DAB2IP: variants seen among roughly 807,000 people sequenced by gnomAD.
The protein encoded by DAB2IP is disabled homolog 2-interacting protein.
Under a neutral mutation model 107.2 loss-of-function variants are expected in DAB2IP, and 28 were observed. The observed-to-expected ratio is 0.26, with a 90% confidence interval of 0.19 to 0.36. The LOEUF is 0.36. Ranked by LOEUF, DAB2IP falls within the 10% of genes least tolerant of loss-of-function variation. DAB2IP has a pLI of 1.00. For missense variants in DAB2IP, 1,400 were observed against 1,644.7 expected, an observed-to-expected ratio of 0.85 and a Z score of 2.57; for synonymous variants, 755 against 706.4, an observed-to-expected ratio of 1.07 and a Z score of -1.09.
intron 1 of DAB2IP, among the ~76,000 whole-genome samples, chr9:121,637,492 AG>A (rs1182274111): frequency 6.6e-6 from 1 of 152,206 alleles, no homozygotes; most frequent in Non-Finnish European, 1.5e-5. Context: ...GGGAAGAAGC[AG>A]GGTCTCCCCT....
chr9:121,679,781 G>A (rs1489536353), intron 2 of DAB2IP, among the ~76,000 whole-genome samples: 3 of 152,142 alleles, frequency 2.0e-5, no homozygotes, highest in African/African-American at 7.2e-5. Context: ...ACAGTGGGTT[G>A]GGAGGGGGTC....
chr9:121,709,622 C>G (rs971115998), intron 3 of DAB2IP, among the ~76,000 whole-genome samples: 6 of 152,100 alleles, frequency 3.9e-5, no homozygotes, highest in African/African-American at 1.4e-4. Context: ...GGCCCCCTGT[C>G]AAGCACCGTT....
chr9:121,653,224 A>AAGACCTGGG (rs1564135886), intron 1 of DAB2IP, among the ~76,000 whole-genome samples: 6 of 121,866 alleles, frequency 4.9e-5, no homozygotes, highest in Non-Finnish European at 9.3e-5. Context: ...GGGAGTACTA[A>AAGACCTGGG]GCCTTTAGTA....
intron 1 of DAB2IP, among the ~76,000 whole-genome samples, chr9:121,598,815 C>T (rs548248395): frequency 6.6e-6 from 1 of 152,376 alleles, no homozygotes; most frequent in East Asian, 1.9e-4. Flanking sequence ...CGTCGCTGTC[C>T]CGCCACCACG....
At chr9:121,743,354 A>G (rs913027789) in intron 3 of DAB2IP, among the ~76,000 whole-genome samples, 7 of 151,698 alleles carry the variant, frequency 4.6e-5, no homozygotes, top group African/African-American at 1.2e-4. Flanking sequence ...AATTTTTACT[A>G]TTGTTCATTG....
intron 1 of DAB2IP, among the ~76,000 whole-genome samples, chr9:121,669,478 T>C (rs1351303655): frequency 6.6e-6 from 1 of 152,132 alleles, no homozygotes; most frequent in African/African-American, 2.4e-5. Flanking sequence ...AAAGTGTGTG[T>C]TAGGAAGAAC....
intron 3 of DAB2IP, among the ~76,000 whole-genome samples, chr9:121,740,430 A>G (rs967025486): frequency 6.6e-6 from 1 of 152,174 alleles, no homozygotes; most frequent in Non-Finnish European, 1.5e-5. Context: ...CGGCCCCTAA[A>G]TAAGAGTATC....
chr9:121,661,504 C>T (rs574843497), intron 1 of DAB2IP, among the ~76,000 whole-genome samples: 2 of 152,112 alleles, frequency 1.3e-5, no homozygotes, highest in Non-Finnish European at 2.9e-5. Context: ...CCCCCTCCCC[C>T]ACTTTGGCAA....
chr9:121,738,626 C>T (rs898427487), intron 3 of DAB2IP, among the ~76,000 whole-genome samples: 2 of 152,200 alleles, frequency 1.3e-5, no homozygotes, highest in Admixed American at 6.5e-5. Context: ...GCCACATGTG[C>T]CTCTGTCTGA....
At chr9:121,587,469 G>A (rs181031486) in intron 1 of DAB2IP, among the ~76,000 whole-genome samples, 7 of 152,180 alleles carry the variant, frequency 4.6e-5, no homozygotes, top group East Asian at 3.9e-4. Context: ...TTAGCCAGGC[G>A]TAGTGGCACA....
chr9:121,595,501 G>A (rs987292511), intron 1 of DAB2IP, among the ~76,000 whole-genome samples: 1 of 151,870 alleles, frequency 6.6e-6, no homozygotes, highest in Non-Finnish European at 1.5e-5. Flanking sequence ...TACTCAGGAT[G>A]CTGAGGTGGG....
chr9:121,778,155 C>T (rs549244403), intron 14 of DAB2IP, among the ~76,000 whole-genome samples: 78 of 152,288 alleles, frequency 5.1e-4, no homozygotes, highest in African/African-American at 6.5e-4. Context: ...TATAGTGCAC[C>T]GTTGCTGTGT....
chr9:121,748,912 G>A (rs944714197), intron 3 of DAB2IP, among the ~76,000 whole-genome samples: 1 of 152,204 alleles, frequency 6.6e-6, no homozygotes, highest in Admixed American at 6.5e-5. Flanking sequence ...CACAGCCCAG[G>A]GCGTTCTGTG....
At chr9:121,719,474 C>G (rs1322918335) in intron 3 of DAB2IP, among the ~76,000 whole-genome samples, 1 of 152,204 alleles carries the variant, frequency 6.6e-6, no homozygotes, top group Non-Finnish European at 1.5e-5. Flanking sequence ...AAACCTTACT[C>G]TCTTCCTGGG....
chr9:121,742,338 A>G (rs1325392309), intron 3 of DAB2IP, among the ~76,000 whole-genome samples: 1 of 152,230 alleles, frequency 6.6e-6, no homozygotes, highest in African/African-American at 2.4e-5. Flanking sequence ...CTGAGGCAAG[A>G]CAATCACTTG....
chr9:121,751,824 T>A, intron 3 of DAB2IP: 1 of 604,968 alleles, frequency 1.7e-6, no homozygotes, highest in Non-Finnish European at 2.1e-6. Flanking sequence ...GAACTCCCAT[T>A]CCCCTCTGCC....
intron 1 of DAB2IP, among the ~76,000 whole-genome samples, chr9:121,608,716 G>A (rs578208332): frequency 3.3e-5 from 5 of 152,318 alleles, no homozygotes; most frequent in African/African-American, 9.6e-5. Context: ...GCAATGATGT[G>A]CTAACTGGCT....
At chr9:121,744,939 C>T (rs1490083954) in intron 3 of DAB2IP, among the ~76,000 whole-genome samples, 2 of 152,156 alleles carry the variant, frequency 1.3e-5, no homozygotes, top group African/African-American at 4.8e-5. Flanking sequence ...CATGATGAGC[C>T]AGATAGGGCC....
intron 3 of DAB2IP, among the ~76,000 whole-genome samples, chr9:121,721,369 G>A (rs921721178): frequency 3.3e-5 from 5 of 152,216 alleles, no homozygotes; most frequent in African/African-American, 9.6e-5. Context: ...GTGAAGGGCT[G>A]TGTATTTATT....
Sources: allele counts gnomAD v4.1 joint callset (sites outside exome capture counted in the v4.1 genomes callset), GRCh38; gene constraint gnomAD v4.1.1; transcripts MANE v1.5; gene names NCBI Gene and HGNC (gene_info 2026-07-23, HGNC 2026-07-21).